The following XPO5 variants were observed in gnomAD, a reference collection of about 807,000 sequenced individuals.
The protein encoded by XPO5 is exportin-5.
XPO5 carries 46 observed loss-of-function variants against 160.6 expected under a neutral mutation model. The observed-to-expected ratio is 0.29, with a 90% CI of 0.23 to 0.37. The LOEUF (loss-of-function observed/expected upper bound fraction) is 0.37. XPO5 is among the 10% of genes least tolerant of loss of function. The pLI is 1.00. For missense variants in XPO5, 1,090 were observed against 1,463.9 expected, an observed-to-expected ratio of 0.74 and a Z score of 4.17; for synonymous variants, 537 against 519.3, an observed-to-expected ratio of 1.03 and a Z score of -0.46.
At chr6:43,539,529 C>G in intron 20 of XPO5, 1 of 1,512,066 alleles carries the variant, frequency 6.6e-7, no homozygotes, top group Admixed American at 1.7e-5. Flanking sequence ...GGCATCCACT[C>G]CTTATCTTTG....
intron 20 of XPO5, among the ~76,000 whole-genome samples, chr6:43,542,404 T>G (rs1794741096): frequency 6.6e-6 from 1 of 152,136 alleles, no homozygotes; most frequent in Non-Finnish European, 1.5e-5. Context: ...AATAGTAATT[T>G]ATTTATTTTT....
chr6:43,556,375 A>T lies in XPO5; in HGVS notation c.1313-411T>A, dbSNP rs769992353. ...CCAGTCTCTACCAAAAAATACAAAA[A>T]GTAGCCAGGTGTGGTGGCATGCTCC... On this transcript the variant is annotated intron_variant, in intron 12 of 31. Transcript: ENST00000265351. Among the ~76,000 whole-genome samples, 6 of 152,146 alleles carry T rather than the reference A, an allele frequency of 3.9e-5. No homozygotes were observed. The East Asian group carries it at 7.7e-4, about 20-fold the overall frequency.
chr6:43,564,633 C>G (rs762419628), intron 8 of XPO5, among the ~76,000 whole-genome samples: 4 of 152,172 alleles, frequency 2.6e-5, no homozygotes, highest in Non-Finnish European at 5.9e-5. Context: ...GACAAGGTCT[C>G]AGTCTGTTGC....
In XPO5 at chr6:43,524,837, C is replaced by T. The variant is rs1373674351; in HGVS notation, c.3306G>A (p.Glu1102=). 5 of 1,611,694 alleles carry T rather than the reference C, an allele frequency of 3.1e-6. No individual in the cohort carries two copies. Among genetic ancestry groups the T allele is most frequent in the Non-Finnish European group, 4.2e-6 (5 of 1,179,434 alleles). The change falls in exon 30 of 32, where the codon GAG becomes GAA. Residue 1102 remains glutamate, a synonymous_variant. Transcript: ENST00000265351. ...CCATGCCTTCCCCACTCACCAGTGC[C>T]TCGTATATCTGGAAGGCCAGATGGA... The part of the protein sequence containing the change: ...SLVHLAFQIY[E]ALRPRYLEIR...
intron 11 of XPO5, among the ~76,000 whole-genome samples, chr6:43,559,330 T>C (rs1424620375): frequency 2.6e-5 from 4 of 152,310 alleles, no homozygotes; most frequent in Middle Eastern, 6.8e-3. Context: ...GTGTGCTATG[T>C]GCTAGGCAAA....
intron 20 of XPO5, among the ~76,000 whole-genome samples, chr6:43,534,860 TG>T (rs1325493701): frequency 6.6e-6 from 1 of 151,448 alleles, no homozygotes; most frequent in Non-Finnish European, 1.5e-5. Context: ...TAGATGGGTG[TG>T]GTGGTGCATG....
chr6:43,570,003 CTTTT>C (rs35322286), intron 5 of XPO5, among the ~76,000 whole-genome samples: 5 of 85,384 alleles, frequency 5.9e-5, no homozygotes, highest in South Asian at 4.5e-4. Context: ...AGATCCCTAT[CTTTT>C]TTTTTTTTTT....
chr6:43,551,345 G>A lies in XPO5; in HGVS notation c.1681C>T (p.Pro561Ser), dbSNP rs768483468. Reference sequence around the variant, plus strand: ...AACTCTGGTCTGTAGGTGACAAATGGAAAGAGTGCAGAGACATTAGTAAGG... The same window carrying A: ...AACTCTGGTCTGTAGGTGACAAATGAAAAGAGTGCAGAGACATTAGTAAGG... ...CVLTNVSALFPFVTYRPEFLP... is the reference protein window; with the variant it reads ...CVLTNVSALFSFVTYRPEFLP... Residue 561 changes from proline to serine, a missense_variant, in exon 15 of 32, where the codon CCA becomes TCA. Pro to Ser is a moderately conservative substitution (Grantham distance 74). This residue lies in a region of XPO5 where 810 missense variants were observed against 1,139.0 expected (regional missense o/e 0.71). Transcript: ENST00000265351. 1 of 1,613,894 alleles carries A rather than the reference G, an allele frequency of 6.2e-7. No homozygotes were observed. The highest frequency in any genetic ancestry group is 8.5e-7 in the Non-Finnish European group (1 of 1,179,832).
rs973417959 is a variant in XPO5 at position 43,553,713 on chromosome 6, C to A, written c.1442-210G>T. 5 of 1,069,398 alleles carry A rather than the reference C, an allele frequency of 4.7e-6. No homozygotes were observed. The African/African-American group carries it at 8.0e-5, about 17-fold the overall frequency. The allele number at this position is 1,069,398 out of a possible 1,614,324, so 66.2% of individuals were successfully genotyped here. On this transcript the variant is annotated intron_variant, in intron 13 of 31. Coordinates refer to ENST00000265351, the MANE Select transcript of XPO5 (RefSeq NM_020750.3). ...GCAATGAGGTAGGTGAAGGTTCCTACCATGCCTCCTCCTCCTCTAACAATG... is the reference window on the plus strand; with the variant it reads ...GCAATGAGGTAGGTGAAGGTTCCTAACATGCCTCCTCCTCCTCTAACAATG...
intron 31 of XPO5, 42 bp from the exon 32 acceptor site, chr6:43,524,047 G>A: frequency 1.3e-6 from 2 of 1,598,276 alleles, no homozygotes; most frequent in East Asian, 2.2e-5. Context: ...TGGGCCCTCA[G>A]TAGTAGTTAA....
intron 28 of XPO5, 27 bp from the exon 29 acceptor site, chr6:43,525,241 A>G: frequency 9.0e-6 from 14 of 1,553,150 alleles, no homozygotes; most frequent in Non-Finnish European, 1.2e-5. Flanking sequence ...GAAGAGTTAC[A>G]ATGGAAAAAG....
At chr6:43,571,468 G>T (rs1313981863) in intron 3 of XPO5, among the ~76,000 whole-genome samples, 1 of 152,038 alleles carries the variant, frequency 6.6e-6, no homozygotes, top group African/African-American at 2.4e-5. Flanking sequence ...AAGAAAAAAG[G>T]CTACAATTTT....
intron 1 of XPO5, 135 bp from the exon 2 acceptor site, chr6:43,573,736 G>T: frequency 9.4e-7 from 1 of 1,066,084 alleles, no homozygotes; most frequent in Non-Finnish European, 1.3e-6. Flanking sequence ...AGGCTGAGAT[G>T]GGTGGACTAC....
intron 30 of XPO5, 91 bp from the exon 31 acceptor site, chr6:43,524,726 C>T: frequency 1.3e-6 from 2 of 1,585,786 alleles, no homozygotes; most frequent in Non-Finnish European, 1.7e-6. Flanking sequence ...AGAGATTGCA[C>T]CAGCAATTTG....
Position 43,551,438 on chromosome 6 carries a change from CATT to C in XPO5, c.1585_1587del (p.Asn529del). 6.2e-7 allele frequency: 1 copy of C among 1,612,660 alleles called. No homozygotes were observed. The highest frequency in any genetic ancestry group is 8.5e-7 in the Non-Finnish European group (1 of 1,179,554). ...ACCATCTGCAATAGCTCTATTCCAT[CATT>C]AACAGGAATTTCCTGTAACAAAGAC... On this transcript the variant is annotated inframe_deletion, in exon 15 of 32. Coordinates refer to ENST00000265351, the MANE Select transcript of XPO5 (RefSeq NM_020750.3).
At chr6:43,542,038 C>T (rs1165338798) in intron 20 of XPO5, among the ~76,000 whole-genome samples, 2 of 152,110 alleles carry the variant, frequency 1.3e-5, no homozygotes, top group African/African-American at 4.8e-5. Flanking sequence ...AGGCCTTAGC[C>T]TCCCAAAGTG....
In XPO5 at chr6:43,575,775, C is replaced by G; in HGVS notation, c.90G>C (p.Arg30=). 6.2e-7 allele frequency: 1 copy of G among 1,613,438 alleles called. No individual in the cohort carries two copies. The highest frequency in any genetic ancestry group is 1.1e-5 in the South Asian group (1 of 91,054). Residue 30 remains arginine, a synonymous_variant, in exon 1 of 32, where the codon CGG becomes CGC. Coordinates refer to ENST00000265351, the MANE Select transcript of XPO5 (RefSeq NM_020750.3). ...CCCCAGCTACCTTGAGGGCTTCCAGCCGGTAGCGCTGGGTGGAGTTGGGGT... is the reference window on the plus strand; with the variant it reads ...CCCCAGCTACCTTGAGGGCTTCCAGGCGGTAGCGCTGGGTGGAGTTGGGGT... ...MMDPNSTQRY[R]LEALKFCEEF...
At chr6:43,564,440 A>G (rs948617160) in intron 8 of XPO5, among the ~76,000 whole-genome samples, 1 of 152,006 alleles carries the variant, frequency 6.6e-6, no homozygotes, top group African/African-American at 2.4e-5. Context: ...GAGGCAGGAG[A>G]ATCGCTTGAA....
intron 20 of XPO5, among the ~76,000 whole-genome samples, chr6:43,542,786 A>G (rs1270114835): frequency 6.6e-6 from 1 of 152,262 alleles, no homozygotes; most frequent in Non-Finnish European, 1.5e-5. Context: ...ATAAATTAGT[A>G]TAACCACTTT....
Sources: allele counts gnomAD v4.1 joint callset (sites outside exome capture counted in the v4.1 genomes callset), GRCh38; gene constraint gnomAD v4.1.1; regional missense constraint gnomAD v4.1.1; transcripts MANE v1.5; gene names NCBI Gene and HGNC (gene_info 2026-07-23, HGNC 2026-07-21).